The following TLCD1 variants were observed in gnomAD, a reference collection of about 807,000 sequenced individuals.
TLCD1 encodes TLC domain containing 1.
In TLCD1, 21 loss-of-function variants were observed where a neutral mutation model predicts 21.2. The ratio of observed to expected loss-of-function variants is 0.99; its 90% CI spans 0.70 to 1.42. The LOEUF (loss-of-function observed/expected upper bound fraction) is 1.42. TLCD1 is among the 40% of genes most tolerant of loss of function. TLCD1 has a pLI of 0.00. For missense variants in TLCD1, 344 were observed against 330.3 expected (o/e 1.04, Z -0.32); for synonymous variants, 168 against 134.8 (o/e 1.25, Z -1.71).
upstream of TLCD1, chr17:28,727,236 A>G (rs2034246714): frequency 4.5e-6 from 1 of 220,418 alleles, no homozygotes; most frequent in South Asian, 6.7e-5. Flanking sequence ...AGCCGAGAAA[A>G]CCTGAGGCGC....
At chr17:28,724,931 T>TG in intron 3 of TLCD1, 38 bp from the exon 4 acceptor site, 1 of 1,579,286 alleles carries the variant, frequency 6.3e-7, no homozygotes, top group South Asian at 1.1e-5. Context: ...GGAACCCAGA[T>TG]GCAGACGCTT....
rs201584158 is a variant in TLCD1, at chr17:28,724,628, C to T, written c.626G>A (p.Gly209Asp). The part of the protein sequence containing the change: ...NQRTLGTFLL[G>D]ILLMLDVMII... ...CATCACGTCCAGCATGAGCAGGATA[C>T]CCAGCAGGAAGGTGCCCAGGGTCCT... The change falls in exon 4 of 4, where the codon GGT becomes GAT. Residue 209 changes from glycine (G) to aspartate (D), a missense_variant. Transcript: ENST00000292090. 4 of 1,614,036 alleles carry T rather than the reference C, an allele frequency of 2.5e-6. No homozygotes were observed. Among genetic ancestry groups the T allele is most frequent in the Non-Finnish European group, 3.4e-6 (4 of 1,179,994 alleles).
upstream of TLCD1, chr17:28,727,108 C>T (rs1192851347): frequency 4.7e-6 from 2 of 421,184 alleles, no homozygotes; most frequent in Non-Finnish European, 4.4e-6. Flanking sequence ...GGAGGAGCAG[C>T]TGAGAGCCAG....
Position 28,726,213 on chromosome 17 carries a change from A to G in TLCD1, c.-116T>C, listed in dbSNP as rs571549031. The G allele has an allele frequency of 5.1e-6, 7 of 1,366,966 alleles. No homozygotes were observed. The African/African-American group carries it at 9.3e-5, about 18-fold the overall frequency. The allele number at this position is 1,366,966 out of a possible 1,614,324, so 84.7% of individuals were successfully genotyped here. Reference sequence around the variant, plus strand: ...CTCTCCCGCCGGCCGCCAGCCCCACACAGTTGGCGAAGCCCTCTAGGCCCC... The same window carrying G: ...CTCTCCCGCCGGCCGCCAGCCCCACGCAGTTGGCGAAGCCCTCTAGGCCCC... On this transcript the variant is annotated 5_prime_UTR_variant, in exon 1 of 4. Transcript: ENST00000292090.
upstream of TLCD1, chr17:28,726,612 C>G (rs1471316149): frequency 1.3e-6 from 1 of 796,038 alleles, no homozygotes; most frequent in Non-Finnish European, 2.1e-6. Context: ...CTGCGCAGAG[C>G]TGGACGGGAC....
intron 1 of TLCD1, 151 bp downstream of exon 1, chr17:28,725,753 G>A (rs543999327): frequency 2.5e-6 from 3 of 1,220,330 alleles, no homozygotes; most frequent in Admixed American, 2.7e-5. Flanking sequence ...GGGCCACTGC[G>A]GCTTTTGGTT....
chr17:28,726,753 T>C (rs1213915177), upstream of TLCD1: 1 of 1,548,936 alleles, frequency 6.5e-7, no homozygotes, highest in African/African-American at 1.4e-5. Context: ...GTCCCGTGTT[T>C]ACCTGTCCCT....
chr17:28,725,833 AAC>A, intron 1 of TLCD1, 69 bp downstream of exon 1: 2 of 1,544,872 alleles, frequency 1.3e-6, no homozygotes, highest in Non-Finnish European at 1.7e-6. Context: ...TGGGGGTAGT[AAC>A]ACAAGAGCCG....
At chr17:28,726,765 C>T (rs2034237837), upstream of TLCD1, 1 of 1,549,320 alleles carries the variant, frequency 6.5e-7, no homozygotes, top group Non-Finnish European at 8.7e-7. Flanking sequence ...CCTGTCCCTC[C>T]CGCGCCCGCG....
At position 28,726,016 on chromosome 17, in the gene TLCD1, G is replaced by A. The variant is rs747966251; in HGVS notation, c.82C>T (p.Arg28Cys). The change falls in exon 1 of 4, where the codon CGC becomes TGC. Residue 28 changes from arginine to cysteine, a missense_variant. Coordinates refer to ENST00000292090, the MANE Select transcript of TLCD1 (RefSeq NM_138463.4). ...CGCACGTGCACGGGTAGGGGCAGGC[G>A]ACAGAGCGCGCGCCGGAGCGCCCGG... ...TFRALRRALC[R>C]LPLPVHVRAD... is the part of the protein sequence containing the mutation. 80 of 1,599,484 alleles carry A rather than the reference G, an allele frequency of 5.0e-5. No homozygotes were observed. The highest frequency in any genetic ancestry group is 6.8e-5 in the African/African-American group (5 of 73,032).
chr17:28,726,153 C>T lies in TLCD1; in HGVS notation c.-56G>A. ...CCGCCTCCTAGGTCTGTTCTGGGAA[C>T]CGGGATCCCTCTCGGGCCAGTCCAG... On this transcript the variant is annotated 5_prime_UTR_variant, in exon 1 of 4. Coordinates refer to ENST00000292090, the MANE Select transcript of TLCD1 (RefSeq NM_138463.4). 7.1e-7 allele frequency: 1 copy of T among 1,402,452 alleles called. No individual in the cohort carries two copies. Among genetic ancestry groups the T allele is most frequent in the Non-Finnish European group, 9.2e-7 (1 of 1,089,044 alleles). 86.9% of individuals were successfully genotyped at this position (1,402,452 alleles called of 1,614,324 possible). A position where few individuals can be genotyped will look rare whatever the true frequency, so the allele number is the denominator to read the frequency against.
rs756354751 is a variant in TLCD1 at position 28,724,870 on chromosome 17, G to A, written c.384C>T (p.Gly128=). ...HVMAMGAFFS[G]IFWSSFVGGG... Reference sequence around the variant, plus strand: ...CACCGACAAAGCTGCTCCAAAAGATGCCGGAGAAGAAGGCACCCATGGCCT... The same window carrying A: ...CACCGACAAAGCTGCTCCAAAAGATACCGGAGAAGAAGGCACCCATGGCCT... The change falls in exon 4 of 4, where the codon GGC becomes GGT. Residue 128 remains glycine, a synonymous_variant. Coordinates refer to ENST00000292090, the MANE Select transcript of TLCD1 (RefSeq NM_138463.4). The A allele has an allele frequency of 6.8e-6, 11 of 1,613,644 alleles. No homozygotes were observed. The East Asian group carries it at 2.2e-4, about 33-fold the overall frequency.
chr17:28,725,136 CAG>C (rs1378396877), intron 3 of TLCD1, among the ~76,000 whole-genome samples, 166 bp downstream of exon 3: 2 of 152,124 alleles, frequency 1.3e-5, no homozygotes, highest in Non-Finnish European at 2.9e-5. Context: ...TTGCTGGCCT[CAG>C]TGAACAAGTA....
chr17:28,727,076 T>C, upstream of TLCD1: 1 of 566,524 alleles, frequency 1.8e-6, no homozygotes, highest in Non-Finnish European at 3.2e-6. Flanking sequence ...GGGGAGAGTT[T>C]AGGTATAAAC....
In TLCD1 at chr17:28,724,494, C is replaced by T. The variant is rs756916848; in HGVS notation, c.*16G>A. ...TCTGGCCTTGTCCGTTTTTGTTGTCCCAGGCTCTGTGCCCCTCACTCAGTC... is the reference window on the plus strand; with the variant it reads ...TCTGGCCTTGTCCGTTTTTGTTGTCTCAGGCTCTGTGCCCCTCACTCAGTC... On this transcript the variant is annotated 3_prime_UTR_variant, in exon 4 of 4. Coordinates refer to ENST00000292090, the MANE Select transcript of TLCD1 (RefSeq NM_138463.4). 5 of 1,607,560 alleles carry T rather than the reference C, an allele frequency of 3.1e-6. No homozygotes were observed. The African/African-American group carries it at 4.0e-5, about 13-fold the overall frequency.
upstream of TLCD1, chr17:28,726,681 C>A: frequency 7.0e-7 from 1 of 1,436,280 alleles, no homozygotes. Context: ...GCCCCGCGTC[C>A]GACAGTGGTC....
At position 28,725,764 on chromosome 17, in the gene TLCD1, G is replaced by A; in HGVS notation, c.194+140C>T. 8.7e-6 allele frequency: 11 copies of A among 1,265,022 alleles called. 1 individual carries two copies. Among genetic ancestry groups the A allele is most frequent in the Non-Finnish European group, 6.5e-6 (6 of 925,156 alleles). The allele number at this position is 1,265,022 out of a possible 1,614,324, so 78.4% of individuals were successfully genotyped here. On this transcript the variant is annotated intron_variant, in intron 1 of 3. Transcript: ENST00000292090. ...CCTGGGGCCACTGCGGCTTTTGGTT[G>A]GATAGGATACCAAACGGGATCAGGT...
chr17:28,725,649 T>G (rs2151727734), intron 1 of TLCD1, 86 bp from the exon 2 acceptor site: 1 of 1,421,754 alleles, frequency 7.0e-7, no homozygotes, highest in Non-Finnish European at 9.9e-7. Context: ...CCCCGGGGGA[T>G]CCTGGGCTCG....
chr17:28,725,622 T>G, intron 1 of TLCD1, 59 bp from the exon 2 acceptor site: 1 of 1,561,714 alleles, frequency 6.4e-7, no homozygotes, highest in Non-Finnish European at 8.8e-7. Flanking sequence ...CATCAACTTC[T>G]CGGTTACCCT....
Sources: allele counts gnomAD v4.1 joint callset (sites outside exome capture counted in the v4.1 genomes callset), GRCh38; gene constraint gnomAD v4.1.1; transcripts MANE v1.5; gene names NCBI Gene and HGNC (gene_info 2026-07-23, HGNC 2026-07-21).